LASP1: variants seen among roughly 807,000 people sequenced by gnomAD.
The protein encoded by LASP1 is LIM and SH3 domain protein 1.
In LASP1, 10 loss-of-function variants were observed where a neutral mutation model predicts 38.6. The ratio of observed to expected loss-of-function variants is 0.26; its 90% CI spans 0.16 to 0.44. LASP1 has a LOEUF of 0.44. LASP1 is among the 20% of genes least tolerant of loss of function. The pLI is 1.00. For missense variants in LASP1, 243 were observed against 375.7 expected (o/e 0.65, Z 2.92); for synonymous variants, 132 against 140.8 (o/e 0.94, Z 0.44).
intron 3 of LASP1, among the ~76,000 whole-genome samples, chr17:38,890,902 C>T (rs1044566328): frequency 1.3e-5 from 2 of 152,214 alleles, no homozygotes; most frequent in Non-Finnish European, 2.9e-5. Flanking sequence ...CCTCTATAGC[C>T]GCGTCCCAAA....
intron 6 of LASP1, chr17:38,915,627 T>C (rs1254207377): frequency 6.5e-6 from 1 of 152,758 alleles, no homozygotes; most frequent in Admixed American, 6.5e-5. Context: ...TAAAAAGAGC[T>C]CTTCGTGTTG....
chr17:38,888,878 C>T (rs1406279523), intron 2 of LASP1, among the ~76,000 whole-genome samples: 3 of 102,486 alleles, frequency 2.9e-5, no homozygotes, highest in Admixed American at 8.3e-5. Flanking sequence ...AGGCCCTCTT[C>T]CTGGGGACCA....
chr17:38,882,339 C>T (rs1013958033), intron 2 of LASP1, among the ~76,000 whole-genome samples: 2 of 152,178 alleles, frequency 1.3e-5, no homozygotes, highest in African/African-American at 4.8e-5. Context: ...CCTCTGCCTC[C>T]CAGGTTCAAG....
intron 2 of LASP1, among the ~76,000 whole-genome samples, chr17:38,887,238 G>A (rs1265355495): frequency 6.6e-6 from 1 of 152,118 alleles, no homozygotes; most frequent in Non-Finnish European, 1.5e-5. Flanking sequence ...TGCCACATGT[G>A]CCTCTACTTC....
chr17:38,918,583 G>T lies in LASP1; in HGVS notation c.613-22G>T. 6.4e-7 allele frequency: 1 copy of T among 1,571,380 alleles called. No homozygotes were observed. Among genetic ancestry groups the T allele is most frequent in the Non-Finnish European group, 8.7e-7 (1 of 1,152,376 alleles). ...GGTGAGCCGGCATGCAGGGCCCTAG[G>T]CTGACCACACTTCCCCCACAGAAGC... On this transcript the variant is annotated intron_variant, in intron 6 of 6. Transcript: ENST00000318008. This position sits in a 1 kb window ranked among gnomAD's most constrained non-coding sequence, Gnocchi z 4.4.
chr17:38,912,142 C>A (rs1914970160), intron 4 of LASP1, among the ~76,000 whole-genome samples: 1 of 152,220 alleles, frequency 6.6e-6, no homozygotes, highest in Admixed American at 6.5e-5. Flanking sequence ...TCAAGAACTA[C>A]ATATATCAGG....
At chr17:38,872,605 T>C (rs902940110) in intron 1 of LASP1, among the ~76,000 whole-genome samples, 1 of 152,176 alleles carries the variant, frequency 6.6e-6, no homozygotes, top group African/African-American at 2.4e-5. Flanking sequence ...TGGAGGATGC[T>C]GGGCTGTGAC....
chr17:38,904,279 G>A (rs1020505606), intron 4 of LASP1: 9 of 152,206 alleles, frequency 5.9e-5, no homozygotes, highest in African/African-American at 1.7e-4. Flanking sequence ...GAGAGGCAGA[G>A]GTAAATGCTA....
chr17:38,894,705 C>T (rs1221500307), intron 3 of LASP1, among the ~76,000 whole-genome samples: 1 of 152,050 alleles, frequency 6.6e-6, no homozygotes, highest in Admixed American at 6.5e-5. Flanking sequence ...TCCATCAGCT[C>T]TCCTCTCCAT....
In LASP1 at chr17:38,918,342, T is replaced by C. The variant is rs1485648321; in HGVS notation, c.613-263T>C. On this transcript the variant is annotated intron_variant, in intron 6 of 6. Transcript: ENST00000318008. The surrounding 1 kb of genome is among the most constrained non-coding windows in gnomAD (Gnocchi z 4.4). Reference sequence around the variant, plus strand: ...CTGGTGGACCTTACTGCAGTCCTGTTCAGGGAGGTGGGGCAGAGCTGATGT... The same window carrying C: ...CTGGTGGACCTTACTGCAGTCCTGTCCAGGGAGGTGGGGCAGAGCTGATGT... Among the ~76,000 whole-genome samples, 1 of 152,164 alleles carries C rather than the reference T, an allele frequency of 6.6e-6. No homozygotes were observed. Among genetic ancestry groups the C allele is most frequent in the Non-Finnish European group, 1.5e-5 (1 of 68,028 alleles).
At chr17:38,891,627 C>T (rs192525496) in intron 3 of LASP1, among the ~76,000 whole-genome samples, 4 of 152,184 alleles carry the variant, frequency 2.6e-5, no homozygotes, top group Admixed American at 2.6e-4. Context: ...CGTGTGAGCT[C>T]GTTTAATCCT....
intron 2 of LASP1, among the ~76,000 whole-genome samples, chr17:38,885,322 G>C (rs149771507): frequency 0.012 from 1,784 of 152,314 alleles, 25 homozygotes; most frequent in African/African-American, 0.035. Flanking sequence ...GGTTTTGAGA[G>C]AGAATGTGCA....
intron 2 of LASP1, among the ~76,000 whole-genome samples, chr17:38,889,374 C>T (rs1292222771): frequency 2.0e-5 from 3 of 152,170 alleles, no homozygotes; most frequent in Non-Finnish European, 4.4e-5. Context: ...TCGTGATCTG[C>T]CCGCCTCGGC....
chr17:38,918,922 A>ACTGAAGCCTTCTTCTGCCAC lies in LASP1; in HGVS notation c.*145_*164dup, dbSNP rs1360137921. 1 of 936,418 alleles carries ACTGAAGCCTTCTTCTGCCAC rather than the reference A, an allele frequency of 1.1e-6. No homozygotes were observed. Among genetic ancestry groups the ACTGAAGCCTTCTTCTGCCAC allele is most frequent in the Non-Finnish European group, 1.6e-6 (1 of 635,278 alleles). The allele number at this position is 936,418 out of a possible 1,614,324, so 58.0% of individuals were successfully genotyped here. ...ACCCCTCTTCCAGCTTCTTTTGCCA[A>ACTGAAGCCTTCTTCTGCCAC]CTGAAGCCTTCTTCTGCCACTTCTG... On this transcript the variant is annotated 3_prime_UTR_variant, in exon 7 of 7. Coordinates refer to ENST00000318008, the MANE Select transcript of LASP1 (RefSeq NM_006148.4). The surrounding 1 kb of genome is among the most constrained non-coding windows in gnomAD (Gnocchi z 4.4).
rs55996334 is a variant in LASP1, at chr17:38,900,380, C to CAAAAAAAAAAAAA, written c.357+1872_357+1873insAAAAAAAAAAAAA. ...GGGAAACCGAGTGAGACCCTGTTTC[C>CAAAAAAAAAAAAA]AAAAAAAAAAAGGACCAGGCGCGGT... On this transcript the variant is annotated intron_variant, in intron 4 of 6. Transcript: ENST00000318008. Among the ~76,000 whole-genome samples the CAAAAAAAAAAAAA allele has an allele frequency of 3.3e-4, 37 of 113,526 alleles. 2 individuals carry two copies. The East Asian group carries it at 4.5e-3, about 14-fold the overall frequency. The allele number at this position is 113,526 out of a possible 152,430, so 74.5% of individuals were successfully genotyped here.
chr17:38,906,358 C>T (rs796986161), intron 4 of LASP1, among the ~76,000 whole-genome samples: 7 of 151,714 alleles, frequency 4.6e-5, no homozygotes, highest in African/African-American at 1.7e-4. Flanking sequence ...CAAACCCCCG[C>T]GTCCACTAAA....
chr17:38,890,218 AG>A (rs1914266242), intron 2 of LASP1: 1 of 573,934 alleles, frequency 1.7e-6, no homozygotes, highest in Non-Finnish European at 3.1e-6. Flanking sequence ...GCGTCTTCCC[AG>A]GTCAGCCAGT....
At chr17:38,882,495 G>T (rs1320622579) in intron 2 of LASP1, among the ~76,000 whole-genome samples, 1 of 152,080 alleles carries the variant, frequency 6.6e-6, no homozygotes, top group African/African-American at 2.4e-5. Flanking sequence ...TGATCCACTC[G>T]CCTCGGCCTC....
At chr17:38,888,844 C>T (rs754487491) in intron 2 of LASP1, among the ~76,000 whole-genome samples, 3 of 151,644 alleles carry the variant, frequency 2.0e-5, no homozygotes, top group Non-Finnish European at 4.4e-5. Context: ...TGAGGGTTGC[C>T]GTGGCTTCGG....
Sources: allele counts gnomAD v4.1 joint callset (sites outside exome capture counted in the v4.1 genomes callset), GRCh38; gene constraint gnomAD v4.1.1; non-coding constraint Gnocchi (gnomAD v3.1); transcripts MANE v1.5; gene names NCBI Gene and HGNC (gene_info 2026-07-23, HGNC 2026-07-21).